The following LMBRD2 variants were observed in gnomAD, a reference collection of about 807,000 sequenced individuals.
LMBRD2 encodes the protein LMBR1 domain containing 2.
A neutral mutation model predicts 94.4 loss-of-function variants in LMBRD2; 55 were observed. That is an observed-to-expected ratio of 0.58 (90% CI 0.47 to 0.73). The LOEUF is 0.73. Ranked by LOEUF, LMBRD2 falls within the 30% of genes least tolerant of loss-of-function variation. The pLI is 0.00. For missense variants in LMBRD2, 640 were observed against 831.9 expected (o/e 0.77, Z 2.84); for synonymous variants, 246 against 272.4 (o/e 0.90, Z 0.95).
intron 6 of LMBRD2, among the ~76,000 whole-genome samples, chr5:36,135,566 C>T (rs1179410543): frequency 6.6e-6 from 1 of 152,086 alleles, no homozygotes; most frequent in Admixed American, 6.5e-5. Context: ...TGCATTAAAA[C>T]ATTTTGGAGT....
intron 6 of LMBRD2, among the ~76,000 whole-genome samples, chr5:36,129,828 C>T (rs1057370627): frequency 7.9e-5 from 12 of 152,152 alleles, no homozygotes; most frequent in African/African-American, 2.9e-4. Context: ...AAATGTGGCA[C>T]ATATACACCA....
At chr5:36,124,157 T>C (rs765242318) in intron 7 of LMBRD2, 34 bp downstream of exon 7, 3 of 1,262,614 alleles carry the variant, frequency 2.4e-6, no homozygotes, top group African/African-American at 1.5e-5. Flanking sequence ...TAAGTGTATA[T>C]TTCAAAAGGA....
chr5:36,105,659 C>A (rs922454963), intron 16 of LMBRD2, among the ~76,000 whole-genome samples: 1 of 152,118 alleles, frequency 6.6e-6, no homozygotes. Flanking sequence ...AACATCGGCA[C>A]TAGCCGATAT....
At position 36,136,234 on chromosome 5, in the gene LMBRD2, C is replaced by T. The variant is rs1161864343; in HGVS notation, c.747+75G>A. On this transcript the variant is annotated intron_variant, in intron 6 of 17. Transcript: ENST00000296603. ...AAGCCCATCAATGCACTAACAACAACAACAAACCAAAAATGACTAAAAGGG... is the reference window on the plus strand; with the variant it reads ...AAGCCCATCAATGCACTAACAACAATAACAAACCAAAAATGACTAAAAGGG... 3 of 1,431,364 alleles carry T rather than the reference C, an allele frequency of 2.1e-6. No homozygotes were observed. In the East Asian group the frequency reaches 6.8e-5, roughly 32 times the overall value. The allele number at this position is 1,431,364 out of a possible 1,614,324, so 88.7% of individuals were successfully genotyped here. A position where few individuals can be genotyped will look rare whatever the true frequency, so the allele number is the denominator to read the frequency against.
rs1440269672 is a variant in LMBRD2 at position 36,100,904 on chromosome 5, A to T, written c.*3142T>A. Reference sequence around the variant, plus strand: ...CATTAATATGCTAAAATATACTTTTAAAAAACCACACACATTGACTTTCCT... The same window carrying T: ...CATTAATATGCTAAAATATACTTTTTAAAAACCACACACATTGACTTTCCT... On this transcript the variant is annotated 3_prime_UTR_variant, in exon 18 of 18. Coordinates refer to ENST00000296603, the MANE Select transcript of LMBRD2 (RefSeq NM_001007527.2). The T allele has an allele frequency of 1.3e-5, 2 of 152,104 alleles. No homozygotes were observed. Among genetic ancestry groups the T allele is most frequent in the African/African-American group, 4.8e-5 (2 of 41,450 alleles). The allele number at this position is 152,104 out of a possible 1,614,324, so 9.4% of individuals were successfully genotyped here.
At chr5:36,122,002 A>C (rs961665021) in intron 9 of LMBRD2, among the ~76,000 whole-genome samples, 6 of 152,178 alleles carry the variant, frequency 3.9e-5, no homozygotes, top group African/African-American at 1.4e-4. Context: ...GCAATGCATA[A>C]TTGTATATAT....
intron 9 of LMBRD2, among the ~76,000 whole-genome samples, chr5:36,121,475 T>C (rs1353030484): frequency 2.0e-5 from 3 of 152,168 alleles, no homozygotes; most frequent in African/African-American, 4.8e-5. Flanking sequence ...TTCTTCACAC[T>C]AAATTTGACA....
At chr5:36,104,290 C>T (rs535236159) in intron 17 of LMBRD2, among the ~76,000 whole-genome samples, 184 bp from the exon 18 acceptor site, 1 of 151,952 alleles carries the variant, frequency 6.6e-6, no homozygotes, top group South Asian at 2.1e-4. Context: ...TATAAATCAA[C>T]CAGCAACGGT....
chr5:36,110,099 A>C, intron 14 of LMBRD2, 108 bp from the exon 15 acceptor site: 1 of 824,642 alleles, frequency 1.2e-6, no homozygotes, highest in South Asian at 1.7e-5. Flanking sequence ...TTAAATTATC[A>C]CAAAATCAAA....
At chr5:36,146,945 T>TGA (rs1744562301) in intron 1 of LMBRD2, among the ~76,000 whole-genome samples, 2 of 87,810 alleles carry the variant, frequency 2.3e-5, no homozygotes, top group Non-Finnish European at 4.7e-5. Context: ...TGTGTGAGTG[T>TGA]GTGTGTGTGT....
intron 16 of LMBRD2, among the ~76,000 whole-genome samples, chr5:36,106,509 G>GGT (rs1491451301): frequency 2.7e-4 from 32 of 119,410 alleles, no homozygotes; most frequent in African/African-American, 1.1e-3. Context: ...TTTTTCTTTC[G>GGT]TTTTTTTTTT....
chr5:36,111,685 T>G (rs1743610759), intron 13 of LMBRD2, among the ~76,000 whole-genome samples: 1 of 151,862 alleles, frequency 6.6e-6, no homozygotes, highest in South Asian at 2.1e-4. Flanking sequence ...TTATTTGCTA[T>G]TTACTTTAAA....
chr5:36,116,735 G>A, intron 10 of LMBRD2, 142 bp from the exon 11 acceptor site: 1 of 716,868 alleles, frequency 1.4e-6, no homozygotes, highest in Non-Finnish European at 2.2e-6. Context: ...GGAGTGCAGT[G>A]GCGCGATCTT....
At chr5:36,114,369 G>A in intron 13 of LMBRD2, 55 bp downstream of exon 13, 2 of 1,512,250 alleles carry the variant, frequency 1.3e-6, no homozygotes, top group South Asian at 1.3e-5. Context: ...GAGCTTTAAA[G>A]AGAAAGGATA....
chr5:36,148,836 A>G (rs1744617885), intron 1 of LMBRD2, among the ~76,000 whole-genome samples: 1 of 152,206 alleles, frequency 6.6e-6, no homozygotes, highest in Non-Finnish European at 1.5e-5. Context: ...AAATTGCTTA[A>G]TGATTTATTT....
intron 1 of LMBRD2, among the ~76,000 whole-genome samples, chr5:36,146,550 T>A (rs4869469): frequency 0.77 from 116,536 of 150,980 alleles, 46,220 homozygotes; most frequent in Non-Finnish European, 0.86. Context: ...TAAAAAAAAA[T>A]TTTTTTTGTA....
intron 7 of LMBRD2, 59 bp from the exon 8 acceptor site, chr5:36,123,020 T>C (rs1743925710): frequency 7.3e-7 from 1 of 1,375,264 alleles, no homozygotes. Flanking sequence ...TAAAAATTTA[T>C]TTTTATTAAA....
At chr5:36,117,139 T>G (rs1743766657) in intron 10 of LMBRD2, among the ~76,000 whole-genome samples, 1 of 152,144 alleles carries the variant, frequency 6.6e-6, no homozygotes, top group Non-Finnish European at 1.5e-5. Flanking sequence ...GAGCCTGTTT[T>G]CCCATTCCCT....
intron 10 of LMBRD2, 80 bp downstream of exon 10, chr5:36,117,655 A>T: frequency 9.8e-7 from 1 of 1,017,262 alleles, no homozygotes; most frequent in Non-Finnish European, 1.4e-6. Flanking sequence ...CATTTTTACT[A>T]GAAGAAATAC....
Sources: allele counts gnomAD v4.1 joint callset (sites outside exome capture counted in the v4.1 genomes callset), GRCh38; gene constraint gnomAD v4.1.1; transcripts MANE v1.5; gene names NCBI Gene and HGNC (gene_info 2026-07-23, HGNC 2026-07-21).